Variants in ARHGAP19 observed in about 807,000 individuals in gnomAD.
ARHGAP19 encodes the protein rho GTPase-activating protein 19.
In ARHGAP19, 48 loss-of-function variants were observed where a neutral mutation model predicts 60.9. The observed-to-expected ratio is 0.79, with a 90% CI of 0.62 to 1.00. ARHGAP19 has a LOEUF of 1.00. ARHGAP19 is among the 50% of genes least tolerant of loss of function. The pLI is 0.00. For synonymous variants in ARHGAP19, 209 were observed against 215.5 expected, an observed-to-expected ratio of 0.97 and a Z score of 0.27; for missense variants, 562 against 597.2, an observed-to-expected ratio of 0.94 and a Z score of 0.61.
intron 6 of ARHGAP19, among the ~76,000 whole-genome samples, chr10:97,255,061 G>A (rs79785393): frequency 0.042 from 6,436 of 152,254 alleles, 205 homozygotes; most frequent in Non-Finnish European, 0.06. Context: ...CCAAGGATGG[G>A]AGGAGGGTTT....
intron 1 of ARHGAP19, among the ~76,000 whole-genome samples, chr10:97,267,590 C>T (rs1410095984): frequency 3.3e-5 from 5 of 152,274 alleles, no homozygotes; most frequent in Admixed American, 6.5e-5. Flanking sequence ...TCCAACCCTG[C>T]AGCACACCTC....
chr10:97,246,002 A>C (rs1253389), intron 7 of ARHGAP19, among the ~76,000 whole-genome samples: 41 of 151,916 alleles, frequency 2.7e-4, no homozygotes, highest in Non-Finnish European at 4.4e-4. Context: ...CAATCAGCTC[A>C]CTGTAGACTT....
intron 8 of ARHGAP19, among the ~76,000 whole-genome samples, chr10:97,241,049 G>A (rs924987834): frequency 2.4e-4 from 37 of 152,170 alleles, no homozygotes; most frequent in African/African-American, 4.8e-4. Context: ...GGCTGGGTGC[G>A]GTGGCTCACG....
chr10:97,292,150 G>A (rs750014237), intron 1 of ARHGAP19, among the ~76,000 whole-genome samples: 1 of 152,228 alleles, frequency 6.6e-6, no homozygotes, highest in Non-Finnish European at 1.5e-5. Flanking sequence ...ACTCAACACT[G>A]TTTCTAATTG....
At chr10:97,284,730 CTCCTGGGCTCAAGT>C (rs1184849350) in intron 1 of ARHGAP19, among the ~76,000 whole-genome samples, 1 of 151,640 alleles carries the variant, frequency 6.6e-6, no homozygotes, top group Non-Finnish European at 1.5e-5. Flanking sequence ...TGGTCTCAAA[CTCCTGGGCTCAAGT>C]GATCCTACCA....
At chr10:97,256,909 C>T (rs1477559148) in intron 5 of ARHGAP19, among the ~76,000 whole-genome samples, 4 of 152,080 alleles carry the variant, frequency 2.6e-5, no homozygotes, top group South Asian at 2.1e-4. Context: ...ATCACGAGGT[C>T]AGGAGATTGA....
intron 6 of ARHGAP19, among the ~76,000 whole-genome samples, chr10:97,250,662 G>A (rs1238326416): frequency 1.3e-5 from 2 of 151,692 alleles, no homozygotes; most frequent in African/African-American, 2.4e-5. Flanking sequence ...ACAGGAGTGA[G>A]CCACCACGCC....
At chr10:97,245,903 T>A (rs1365633484) in intron 7 of ARHGAP19, among the ~76,000 whole-genome samples, 1 of 152,054 alleles carries the variant, frequency 6.6e-6, no homozygotes, top group Admixed American at 6.6e-5. Context: ...GGAGAACCTC[T>A]GAAAGCAAAT....
intron 1 of ARHGAP19, among the ~76,000 whole-genome samples, chr10:97,267,603 C>T (rs11189080): frequency 0.043 from 6,497 of 152,356 alleles, 204 homozygotes; most frequent in Non-Finnish European, 0.061. Flanking sequence ...CACACCTCTG[C>T]CTTGAGGCAT....
intron 4 of ARHGAP19, among the ~76,000 whole-genome samples, chr10:97,261,283 G>A (rs2134881194): frequency 6.6e-6 from 1 of 151,284 alleles, no homozygotes; most frequent in East Asian, 1.9e-4. Context: ...AGGAAGGGCA[G>A]GTAACATTTC....
In ARHGAP19 at chr10:97,244,022, A is replaced by C. The variant is rs938878566; in HGVS notation, c.1131T>G (p.Phe377Leu). 1 of 1,613,840 alleles carries C rather than the reference A, an allele frequency of 6.2e-7. No individual in the cohort carries two copies. Among genetic ancestry groups the C allele is most frequent in the Admixed American group, 1.7e-5 (1 of 59,924 alleles). ...HHTEEALREL[F>L]QHVHDMPESA... Reference sequence around the variant, plus strand: ...ACTCTGGCATATCATGAACGTGTTGAAACAGCTCTCTCAGTGCCTCTTCCG... The same window carrying C: ...ACTCTGGCATATCATGAACGTGTTGCAACAGCTCTCTCAGTGCCTCTTCCG... The change falls in exon 8 of 12, where the codon TTT becomes TTG. Residue 377 changes from phenylalanine to leucine, a missense_variant. By Grantham distance (22) the Phe-to-Leu change is conservative. Coordinates refer to ENST00000358531, the MANE Select transcript of ARHGAP19 (RefSeq NM_032900.6).
intron 1 of ARHGAP19, chr10:97,270,493 G>A (rs1010491976): frequency 9.5e-6 from 7 of 733,988 alleles, no homozygotes; most frequent in East Asian, 8.3e-5. Context: ...CTTAAGAAAT[G>A]TATAGGACTA....
chr10:97,254,368 G>A (rs1204528904), intron 6 of ARHGAP19, among the ~76,000 whole-genome samples: 3 of 152,140 alleles, frequency 2.0e-5, no homozygotes, highest in Non-Finnish European at 2.9e-5. Flanking sequence ...AGACTAGAAA[G>A]CCAGAAATAA....
intron 1 of ARHGAP19, among the ~76,000 whole-genome samples, chr10:97,288,684 T>C (rs1010071691): frequency 1.3e-5 from 2 of 151,986 alleles, no homozygotes; most frequent in Non-Finnish European, 2.9e-5. Context: ...AAAATATTTC[T>C]CTTAGAAATG....
rs111882812 is a variant in ARHGAP19 at position 97,243,975 on chromosome 10, A to G, written c.1178T>C (p.Ile393Thr). The G allele has an allele frequency of 3.1e-5, 50 of 1,607,264 alleles. No homozygotes were observed. In the African/African-American group the frequency reaches 4.1e-4, roughly 13 times the overall value. ...TTCCCTGCCTTTAGGCACCTGTCTA[A>G]TAAGTTGTTTCTTCTTTGCTGACTC... is the stretch of plus-strand genomic sequence containing the variant. Reference protein sequence around the residue: ...MPESAKKKQLIRQFNKQSLTQ... With the variant: ...MPESAKKKQLTRQFNKQSLTQ... The change falls in exon 8 of 12, where the codon ATT (isoleucine) becomes ACT (threonine). Residue 393 changes from isoleucine to threonine, a missense_variant. Transcript: ENST00000358531.
At chr10:97,282,453 G>T (rs1431312683) in intron 1 of ARHGAP19, among the ~76,000 whole-genome samples, 3 of 152,170 alleles carry the variant, frequency 2.0e-5, no homozygotes, top group Non-Finnish European at 2.9e-5. Context: ...GGACTTTTCA[G>T]TTTCTTGAGC....
At chr10:97,274,158 G>C (rs1842995316) in intron 1 of ARHGAP19, among the ~76,000 whole-genome samples, 1 of 152,034 alleles carries the variant, frequency 6.6e-6, no homozygotes, top group Admixed American at 6.6e-5. Context: ...TGATTAAGAG[G>C]CATGAAGGTA....
At chr10:97,260,100 G>T in intron 4 of ARHGAP19, among the ~76,000 whole-genome samples, 1 of 151,182 alleles carries the variant, frequency 6.6e-6, no homozygotes, top group African/African-American at 2.4e-5. Context: ...CTCCCAAAGT[G>T]CTGGGATTAC....
intron 1 of ARHGAP19, among the ~76,000 whole-genome samples, chr10:97,289,502 T>C (rs1325751922): frequency 1.3e-5 from 2 of 152,074 alleles, no homozygotes; most frequent in South Asian, 4.1e-4. Context: ...AATTAACTAA[T>C]ACTCTCACTG....
Sources: allele counts gnomAD v4.1 joint callset (sites outside exome capture counted in the v4.1 genomes callset), GRCh38; gene constraint gnomAD v4.1.1; transcripts MANE v1.5; gene names NCBI Gene and HGNC (gene_info 2026-07-23, HGNC 2026-07-21).